Variants in SIM1 observed in about 807,000 individuals in gnomAD.
The protein encoded by SIM1 is single-minded homolog 1.
Under a neutral mutation model 78.2 loss-of-function variants are expected in SIM1, and 18 were observed. That is an observed-to-expected ratio of 0.23 (90% confidence interval 0.16 to 0.34). The LOEUF is 0.34. Ranked by LOEUF, SIM1 falls within the 10% of genes least tolerant of loss-of-function variation. The pLI, the probability that SIM1 is intolerant of heterozygous loss-of-function variation, is 1.00. For missense variants in SIM1, 939 were observed against 975.1 expected (o/e 0.96, Z 0.49); for synonymous variants, 417 against 385.2 (o/e 1.08, Z -0.97).
chr6:100,401,451 G>A (rs1209919617), intron 10 of SIM1, among the ~76,000 whole-genome samples: 5 of 152,114 alleles, frequency 3.3e-5, no homozygotes, highest in African/African-American at 4.8e-5. Context: ...TAAATATTCT[G>A]ATATTGATAA....
At chr6:100,454,237 C>G (rs1458634983) in intron 2 of SIM1, among the ~76,000 whole-genome samples, 1 of 152,152 alleles carries the variant, frequency 6.6e-6, no homozygotes, top group African/African-American at 2.4e-5. Context: ...TTCCCGAGGC[C>G]GAGCTTGTCC....
intron 9 of SIM1, among the ~76,000 whole-genome samples, chr6:100,423,967 C>A (rs188191880): frequency 1.3e-5 from 2 of 152,070 alleles, no homozygotes; most frequent in African/African-American, 4.8e-5. Context: ...CTTGGTAAAC[C>A]CATTCCTAAT....
At chr6:100,412,641 GAA>G (rs1170078293) in intron 10 of SIM1, among the ~76,000 whole-genome samples, 1 of 70,326 alleles carries the variant, frequency 1.4e-5, no homozygotes, top group Non-Finnish European at 2.9e-5. Flanking sequence ...AGAAAGAAAA[GAA>G]AGAAAGAAAG....
rs1372436385 is a variant in SIM1, at chr6:100,420,838, G to A, written c.1119C>T (p.Ser373=). 6.2e-7 allele frequency: 1 copy of A among 1,614,104 alleles called. No homozygotes were observed. Among genetic ancestry groups the A allele is most frequent in the Middle Eastern group, 1.7e-4 (1 of 6,060 alleles). Reference sequence around the variant, plus strand: ...ATTTTGACTTTGAGCTGGAGAGCCGGGATTTGGCCCCCTTTCTGTTGTCAG... The same window carrying A: ...ATTTTGACTTTGAGCTGGAGAGCCGAGATTTGGCCCCCTTTCTGTTGTCAG... ...TMTDNRKGAK[S]RLSSSKSKSR... The change falls in exon 10 of 12, where the codon TCC becomes TCT. Residue 373 remains serine, a synonymous_variant. Coordinates refer to ENST00000369208, the MANE Select transcript of SIM1 (RefSeq NM_005068.3).
intron 9 of SIM1, among the ~76,000 whole-genome samples, chr6:100,436,703 CGTT>C (rs1772059608): frequency 6.6e-6 from 1 of 150,596 alleles, no homozygotes; most frequent in African/African-American, 2.4e-5. Flanking sequence ...TTGTTGTTGT[CGTT>C]GTTTTTTGTA....
chr6:100,437,078 G>A (rs989771374), intron 9 of SIM1, among the ~76,000 whole-genome samples: 2 of 152,110 alleles, frequency 1.3e-5, no homozygotes, highest in Non-Finnish European at 2.9e-5. Context: ...GTGTAGTTAA[G>A]CAATTTGTCC....
chr6:100,429,026 C>T (rs569008617), intron 9 of SIM1, among the ~76,000 whole-genome samples: 1 of 152,182 alleles, frequency 6.6e-6, no homozygotes, highest in East Asian at 1.9e-4. Flanking sequence ...ATGGTAATTC[C>T]ACCTCTGGGA....
At chr6:100,438,005 A>G (rs1010959803) in intron 9 of SIM1, among the ~76,000 whole-genome samples, 3 of 152,240 alleles carry the variant, frequency 2.0e-5, no homozygotes, top group Admixed American at 1.3e-4. Flanking sequence ...ATGAAATTAT[A>G]AATTCTAGAA....
At chr6:100,422,961 T>C (rs1386161183) in intron 9 of SIM1, among the ~76,000 whole-genome samples, 1 of 152,184 alleles carries the variant, frequency 6.6e-6, no homozygotes, top group Non-Finnish European at 1.5e-5. Context: ...TTACGATGGC[T>C]TACTATCAAA....
At chr6:100,430,571 A>G (rs915330550) in intron 9 of SIM1, among the ~76,000 whole-genome samples, 1 of 152,080 alleles carries the variant, frequency 6.6e-6, no homozygotes, top group Admixed American at 6.5e-5. Context: ...TAAAATACAC[A>G]TATGTTATTC....
At chr6:100,437,232 G>A (rs1200044819) in intron 9 of SIM1, 1 of 152,002 alleles carries the variant, frequency 6.6e-6, no homozygotes, top group Non-Finnish European at 1.5e-5. Flanking sequence ...CAAATACCTT[G>A]TAATGCATTC....
In SIM1 at chr6:100,397,212, AATT is replaced by A. The variant is rs1770789319; in HGVS notation, c.1168-3326_1168-3324del. Among the ~76,000 whole-genome samples the A allele has an allele frequency of 2.0e-5, 3 of 152,152 alleles. No individual in the cohort carries two copies. The East Asian group carries it at 5.8e-4, about 29-fold the overall frequency. On this transcript the variant is annotated intron_variant, in intron 10 of 11. Coordinates refer to ENST00000369208, the MANE Select transcript of SIM1 (RefSeq NM_005068.3). ...ATTACATGCTGCCTTTTGGTCAATG[AATT>A]ATTATATTCTAGAGGCTTCTGAGTT...
At chr6:100,447,531 G>T in intron 8 of SIM1, 116 bp from the exon 9 acceptor site, 1 of 1,143,336 alleles carries the variant, frequency 8.7e-7, no homozygotes, top group Non-Finnish European at 1.3e-6. Context: ...AACTGCACCA[G>T]GCAGGAGAGA....
intron 2 of SIM1, among the ~76,000 whole-genome samples, chr6:100,455,488 G>C (rs1475784851): frequency 6.6e-6 from 1 of 152,100 alleles, no homozygotes; most frequent in Non-Finnish European, 1.5e-5. Flanking sequence ...ATTCTCCTTC[G>C]TTTCTGTCAC....
At chr6:100,456,550 A>C (rs1772668307) in intron 2 of SIM1, among the ~76,000 whole-genome samples, 2 of 152,240 alleles carry the variant, frequency 1.3e-5, no homozygotes, top group African/African-American at 4.8e-5. Flanking sequence ...CGATAACTAA[A>C]TCGGGTTTTA....
intron 10 of SIM1, among the ~76,000 whole-genome samples, chr6:100,405,617 A>G (rs181092632): frequency 2.3e-4 from 35 of 152,250 alleles, no homozygotes; most frequent in African/African-American, 7.5e-4. Flanking sequence ...CTGGCAAGAA[A>G]TCTTTTATAC....
At chr6:100,415,966 A>G (rs1397879767) in intron 10 of SIM1, among the ~76,000 whole-genome samples, 2 of 152,122 alleles carry the variant, frequency 1.3e-5, no homozygotes, top group Non-Finnish European at 2.9e-5. Flanking sequence ...CAGGTTCACT[A>G]AGATAGGGAA....
Position 100,386,202 on chromosome 6 carries a change from C to A in SIM1, c.*4159G>T, listed in dbSNP as rs549559817. 6.6e-5 allele frequency: 10 copies of A among 151,916 alleles called. No homozygotes were observed. The highest frequency in any genetic ancestry group is 2.0e-4 in the Admixed American group (3 of 15,240). The allele number at this position is 151,916 out of a possible 1,614,324, so 9.4% of individuals were successfully genotyped here. A position where few individuals can be genotyped will look rare whatever the true frequency, so the allele number is the denominator to read the frequency against. On this transcript the variant is annotated 3_prime_UTR_variant, in exon 12 of 12. Transcript: ENST00000369208. ...TCTATGATTTGAGTGAACTAGGGAA[C>A]CAAATCTGGGCATTCAAACATTTTA...
chr6:100,445,043 A>G (rs1300539137), intron 9 of SIM1, among the ~76,000 whole-genome samples: 2 of 152,214 alleles, frequency 1.3e-5, no homozygotes, highest in Non-Finnish European at 2.9e-5. Flanking sequence ...AAGTAGCCCT[A>G]AAAAACAAAT....
Sources: allele counts gnomAD v4.1 joint callset (sites outside exome capture counted in the v4.1 genomes callset), GRCh38; gene constraint gnomAD v4.1.1; transcripts MANE v1.5; gene names NCBI Gene and HGNC (gene_info 2026-07-23, HGNC 2026-07-21).